Variants in PRAG1 observed in about 807,000 individuals in gnomAD.
The protein encoded by PRAG1 is PEAK1 related, kinase-activating pseudokinase 1, also known as inactive tyrosine-protein kinase PRAG1.
Under a neutral mutation model 95.6 loss-of-function variants are expected in PRAG1, and 110 were observed. That is an observed-to-expected ratio of 1.15 (90% CI 0.99 to 1.35). The LOEUF (loss-of-function observed/expected upper bound fraction) is 1.35. Ranked by LOEUF, PRAG1 falls within the 40% of genes most tolerant of loss-of-function variation. PRAG1 has a pLI of 0.00. For synonymous variants in PRAG1, 1,052 were observed against 819.4 expected, an observed-to-expected ratio of 1.28 and a Z score of -4.85; for missense variants, 2,554 against 1,864.7, an observed-to-expected ratio of 1.37 and a Z score of -6.81.
chr8:8,378,252 CCT>C (rs1161686342), intron 2 of PRAG1, among the ~76,000 whole-genome samples, 174 bp from the exon 3 acceptor site: 2 of 152,188 alleles, frequency 1.3e-5, no homozygotes, highest in Admixed American at 6.5e-5. Flanking sequence ...TCCCCACGGC[CCT>C]GTGATCATTG....
intron 3 of PRAG1, among the ~76,000 whole-genome samples, chr8:8,363,570 A>T (rs1269501566): frequency 6.6e-6 from 1 of 152,224 alleles, no homozygotes; most frequent in Non-Finnish European, 1.5e-5. Flanking sequence ...GGAAGGGAGA[A>T]ACAGGAAGTT....
At chr8:8,378,509 A>G (rs935239201) in intron 2 of PRAG1, among the ~76,000 whole-genome samples, 3 of 152,020 alleles carry the variant, frequency 2.0e-5, no homozygotes, top group African/African-American at 7.2e-5. Context: ...TTTTTTGATA[A>G]CCCAATCACA....
intron 4 of PRAG1, among the ~76,000 whole-genome samples, chr8:8,335,786 A>G (rs1187991366): frequency 6.6e-6 from 1 of 151,588 alleles, no homozygotes; most frequent in Non-Finnish European, 1.5e-5. Flanking sequence ...TTTACATCTT[A>G]TCTTTCTTAT....
chr8:8,327,570 T>C, intron 5 of PRAG1, 140 bp downstream of exon 5: 8 of 1,029,576 alleles, frequency 7.8e-6, no homozygotes, highest in South Asian at 1.9e-5. Context: ...ACTCTTATCT[T>C]ACAAGAAAAA....
chr8:8,344,164 C>T lies in PRAG1; in HGVS notation c.2163-4529G>A, dbSNP rs541888688. On this transcript the variant is annotated intron_variant, in intron 3 of 5. Coordinates refer to ENST00000615670, the MANE Select transcript of PRAG1 (RefSeq NM_001080826.3). Reference sequence around the variant, plus strand: ...ACTGTGCAGTACAGAGCTGGAGAAACTCTTATAAGTGGAGAAAGGTGTTCA... The same window carrying T: ...ACTGTGCAGTACAGAGCTGGAGAAATTCTTATAAGTGGAGAAAGGTGTTCA... 2.6e-5 allele frequency among the ~76,000 whole-genome samples: 4 copies of T among 152,166 alleles called. No individual in the cohort carries two copies. The South Asian group carries it at 6.2e-4, about 24-fold the overall frequency.
At chr8:8,321,979 A>G (rs1321571734) in intron 5 of PRAG1, among the ~76,000 whole-genome samples, 3 of 152,160 alleles carry the variant, frequency 2.0e-5, no homozygotes, top group African/African-American at 7.2e-5. Flanking sequence ...CTGTTTAGAG[A>G]TACCTTGTTT....
chr8:8,338,374 C>A (rs1336828008), intron 4 of PRAG1, among the ~76,000 whole-genome samples: 3 of 152,362 alleles, frequency 2.0e-5, no homozygotes, highest in South Asian at 2.1e-4. Flanking sequence ...CTCCCCAGAA[C>A]TGGTTACAAT....
chr8:8,357,673 C>T (rs890474694), intron 3 of PRAG1, among the ~76,000 whole-genome samples: 22 of 152,186 alleles, frequency 1.4e-4, no homozygotes, highest in African/African-American at 5.3e-4. Context: ...AATGAGCCAA[C>T]AATTCCACTT....
intron 4 of PRAG1, 72 bp from the exon 5 acceptor site, chr8:8,328,533 T>C: frequency 6.9e-7 from 1 of 1,453,384 alleles, no homozygotes; most frequent in Non-Finnish European, 9.2e-7. Flanking sequence ...CAGACTTGTT[T>C]CCCTTTATTT....
chr8:8,328,309 C>T lies in PRAG1; in HGVS notation c.2473G>A (p.Ala825Thr). 1.2e-6 allele frequency: 2 copies of T among 1,613,822 alleles called. No homozygotes were observed. The highest frequency in any genetic ancestry group is 1.7e-6 in the Non-Finnish European group (2 of 1,179,884). Reference sequence around the variant, plus strand: ...CAGAAGAAGCCATCCGGTGAAGAGGCTGCCCGGCTCACTATCTTTTTCTGG... The same window carrying T: ...CAGAAGAAGCCATCCGGTGAAGAGGTTGCCCGGCTCACTATCTTTTTCTGG... Reference protein sequence around the residue: ...LPQKKIVSRAASSPDGFFWTQ... With the variant: ...LPQKKIVSRATSSPDGFFWTQ... Residue 825 changes from alanine to threonine, a missense_variant, in exon 5 of 6, where the codon GCC becomes ACC. By Grantham distance (58) the Ala-to-Thr change is moderately conservative (BLOSUM62 0). Transcript: ENST00000615670.
chr8:8,359,245 T>C (rs1034354940), intron 3 of PRAG1, among the ~76,000 whole-genome samples: 1 of 152,222 alleles, frequency 6.6e-6, no homozygotes, highest in African/African-American at 2.4e-5. Flanking sequence ...ATTGCTCTGA[T>C]TGAATTTCTA....
intron 3 of PRAG1, among the ~76,000 whole-genome samples, chr8:8,362,585 G>A (rs1305990476): frequency 6.6e-6 from 1 of 152,232 alleles, no homozygotes; most frequent in Admixed American, 6.5e-5. Flanking sequence ...CCCCAGAGGA[G>A]AATGGGTGAT....
At chr8:8,321,673 C>T (rs1419306881) in intron 5 of PRAG1, among the ~76,000 whole-genome samples, 1 of 152,100 alleles carries the variant, frequency 6.6e-6, no homozygotes, top group African/African-American at 2.4e-5. Flanking sequence ...CTGGGGCTTC[C>T]AGAAGTTAAA....
intron 5 of PRAG1, among the ~76,000 whole-genome samples, chr8:8,325,004 A>G (rs544458875): frequency 6.6e-6 from 1 of 152,276 alleles, no homozygotes; most frequent in Non-Finnish European, 1.5e-5. Context: ...ATTGTTAACT[A>G]GGACTCCGCG....
chr8:8,386,424 C>T lies in PRAG1; in HGVS notation c.-191G>A, dbSNP rs1202672302. The T allele has an allele frequency of 1.3e-5, 2 of 151,740 alleles. No homozygotes were observed. Among genetic ancestry groups the T allele is most frequent in the Admixed American group, 6.6e-5 (1 of 15,228 alleles). The allele number at this position is 151,740 out of a possible 1,614,324, so 9.4% of individuals were successfully genotyped here. On this transcript the variant is annotated 5_prime_UTR_variant, in exon 1 of 6. Transcript: ENST00000615670. ...TCTGCGCGCGGTGCGTGCCCGGCCGCGGGCGGGTGGCTTCTGCCTGGGCCC... is the reference window on the plus strand; with the variant it reads ...TCTGCGCGCGGTGCGTGCCCGGCCGTGGGCGGGTGGCTTCTGCCTGGGCCC...
In PRAG1 at chr8:8,377,419, G is replaced by A. The variant is rs1419728183; in HGVS notation, c.990C>T (p.Leu330=). 6.4e-7 allele frequency: 1 copy of A among 1,568,398 alleles called. No homozygotes were observed. Residue 330 remains leucine (L), a synonymous_variant, in exon 3 of 6, where the codon CTC becomes CTT. Transcript: ENST00000615670. ...CGGAAGAAATGGCAGCCTCCGAGGT[G>A]AGGGACAGTTTCTTGGGGCCCAGGC... ...PSCLGPKKLS[L]TSEAAISSDG...
At chr8:8,346,104 C>G (rs1034521041) in intron 3 of PRAG1, among the ~76,000 whole-genome samples, 1 of 152,150 alleles carries the variant, frequency 6.6e-6, no homozygotes, top group Non-Finnish European at 1.5e-5. Context: ...GATGTGAGGC[C>G]AAAAGACAAT....
intron 3 of PRAG1, among the ~76,000 whole-genome samples, chr8:8,361,168 T>C (rs926204663): frequency 6.6e-6 from 1 of 152,142 alleles, no homozygotes; most frequent in Non-Finnish European, 1.5e-5. Context: ...AAAGTCAATG[T>C]CCCCCTCACT....
intron 3 of PRAG1, among the ~76,000 whole-genome samples, chr8:8,375,532 G>A (rs1011539399): frequency 1.3e-5 from 2 of 151,884 alleles, no homozygotes; most frequent in African/African-American, 4.8e-5. Flanking sequence ...ACATCTGAGG[G>A]TTCCTAACCA....
Sources: allele counts gnomAD v4.1 joint callset (sites outside exome capture counted in the v4.1 genomes callset), GRCh38; gene constraint gnomAD v4.1.1; transcripts MANE v1.5; gene names NCBI Gene and HGNC (gene_info 2026-07-23, HGNC 2026-07-21).